The following SOCS7 variants were observed in gnomAD, a reference collection of about 807,000 sequenced individuals.
SOCS7 encodes NAP-4.
SOCS7 carries 18 observed loss-of-function variants against 58.9 expected under a neutral mutation model. The observed-to-expected ratio is 0.31, with a 90% CI of 0.21 to 0.45. The LOEUF (loss-of-function observed/expected upper bound fraction) is 0.45. SOCS7 is among the 20% of genes least tolerant of loss of function. SOCS7 has a pLI of 1.00. For synonymous variants in SOCS7, 388 were observed against 364.3 expected (o/e 1.06, Z -0.74); for missense variants, 667 against 837.3 (o/e 0.80, Z 2.51).
At chr17:38,361,048 A>AGGG (rs1555567491) in intron 1 of SOCS7, among the ~76,000 whole-genome samples, 1 of 152,242 alleles carries the variant, frequency 6.6e-6, no homozygotes, top group Non-Finnish European at 1.5e-5. Flanking sequence ...TGGTTCCCTG[A>AGGG]AACAGCATCA....
intron 8 of SOCS7, 34 bp from the exon 9 acceptor site, chr17:38,395,814 C>T (rs1259379417): frequency 6.2e-7 from 1 of 1,601,330 alleles, no homozygotes; most frequent in Non-Finnish European, 8.5e-7. Context: ...TGTATAAAAA[C>T]CTTTTGTGTA....
intron 7 of SOCS7, 44 bp from the exon 8 acceptor site, chr17:38,395,265 C>T: frequency 1.2e-6 from 2 of 1,604,942 alleles, no homozygotes; most frequent in Non-Finnish European, 1.7e-6. Context: ...GTAGTTAGCT[C>T]CATTGTTTCC....
At position 38,402,087 on chromosome 17, in the gene SOCS7, C is replaced by T. The variant is rs1031734483; in HGVS notation, c.*2605C>T. The T allele has an allele frequency of 1.3e-5, 2 of 152,536 alleles. No individual in the cohort carries two copies. Among genetic ancestry groups the T allele is most frequent in the Middle Eastern group, 3.4e-3 (1 of 296 alleles). 9.4% of individuals were successfully genotyped at this position (152,536 alleles called of 1,614,324 possible). On this transcript the variant is annotated 3_prime_UTR_variant, in exon 10 of 10. Transcript: ENST00000612932. The stretch of plus-strand genomic sequence containing the variant: ...ACTGAGGAGGTGTGACCCAACCTCA[C>T]CACCCACCTTTCTCCTCCTGGGGAG...
Position 38,402,755 on chromosome 17 carries a change from G to C in SOCS7, c.*3273G>C, listed in dbSNP as rs2038338600. ...AAAAAAAATAAATAATTTCTTTCTGGTTGTATTTTCAAGTCACAAATTGGA... is the reference window on the plus strand; with the variant it reads ...AAAAAAAATAAATAATTTCTTTCTGCTTGTATTTTCAAGTCACAAATTGGA... On this transcript the variant is annotated 3_prime_UTR_variant, in exon 10 of 10. Coordinates refer to ENST00000612932, the MANE Select transcript of SOCS7 (RefSeq NM_014598.4). 1 of 152,110 alleles carries C rather than the reference G, an allele frequency of 6.6e-6. No homozygotes were observed. The highest frequency in any genetic ancestry group is 6.6e-5 in the Admixed American group (1 of 15,258). The allele number at this position is 152,110 out of a possible 1,614,324, so 9.4% of individuals were successfully genotyped here.
At chr17:38,361,354 C>T (rs1036300968) in intron 1 of SOCS7, among the ~76,000 whole-genome samples, 1 of 152,192 alleles carries the variant, frequency 6.6e-6, no homozygotes, top group Non-Finnish European at 1.5e-5. Flanking sequence ...GGTTAAGAGC[C>T]CTTTTCTTGG....
intron 7 of SOCS7, among the ~76,000 whole-genome samples, chr17:38,385,156 A>G (rs558842239): frequency 6.6e-6 from 1 of 152,126 alleles, no homozygotes; most frequent in East Asian, 1.9e-4. Context: ...TCAGCCTCCC[A>G]AAGTACTGGG....
At chr17:38,375,307 C>G (rs1354775318) in intron 6 of SOCS7, among the ~76,000 whole-genome samples, 2 of 152,098 alleles carry the variant, frequency 1.3e-5, no homozygotes, top group African/African-American at 4.8e-5. Context: ...TCTTCTACCT[C>G]TGCCACCCCT....
At position 38,366,425 on chromosome 17, in the gene SOCS7, G is replaced by T. The variant is rs1822800371; in HGVS notation, c.1383+8G>T. 3 of 1,614,142 alleles carry T rather than the reference G, an allele frequency of 1.9e-6. No homozygotes were observed. Among genetic ancestry groups the T allele is most frequent in the Non-Finnish European group, 2.5e-6 (3 of 1,179,992 alleles). On this transcript the variant is annotated splice_region_variant and intron_variant, in intron 5 of 9. Transcript: ENST00000612932. The stretch of plus-strand genomic sequence containing the variant: ...CTTCGAGAGTTGGAGAAGGTAGGTG[G>T]TACCTAAGGACTGGCAGGTCACTTC...
intron 1 of SOCS7, among the ~76,000 whole-genome samples, chr17:38,355,891 T>C (rs1555566747): frequency 6.6e-6 from 1 of 152,070 alleles, no homozygotes; most frequent in Non-Finnish European, 1.5e-5. Context: ...TTTTGTTTTG[T>C]TTTTTGTTTT....
intron 6 of SOCS7, among the ~76,000 whole-genome samples, chr17:38,368,748 C>T (rs542576279): frequency 9.2e-5 from 14 of 152,120 alleles, no homozygotes; most frequent in African/African-American, 2.4e-4. Context: ...GTGATCCACC[C>T]GCCTCGGCCT....
rs927308653 is a variant in SOCS7, at chr17:38,399,656, A to G, written c.*174A>G. 1 of 152,668 alleles carries G rather than the reference A, an allele frequency of 6.6e-6. No homozygotes were observed. Among genetic ancestry groups the G allele is most frequent in the African/African-American group, 2.4e-5 (1 of 41,460 alleles). 9.5% of individuals were successfully genotyped at this position (152,668 alleles called of 1,614,324 possible). On this transcript the variant is annotated 3_prime_UTR_variant, in exon 10 of 10. Coordinates refer to ENST00000612932, the MANE Select transcript of SOCS7 (RefSeq NM_014598.4). Reference sequence around the variant, plus strand: ...CAGCCCTGGGGCTTGGAAGAAGCACATGACCGTACTCTGCGTGGGGCTCCA... The same window carrying G: ...CAGCCCTGGGGCTTGGAAGAAGCACGTGACCGTACTCTGCGTGGGGCTCCA...
rs1555571065 is a variant in SOCS7 at position 38,389,865 on chromosome 17, G to GTGTATATA, written c.1682-5443_1682-5442insGTATATAT. Among the ~76,000 whole-genome samples, 5 of 26,872 alleles carry GTGTATATA rather than the reference G, an allele frequency of 1.9e-4. 1 individual carries two copies. The highest frequency in any genetic ancestry group is 3.2e-4 in the African/African-American group (3 of 9,314). 17.6% of individuals were successfully genotyped at this position (26,872 alleles called of 152,430 possible). On this transcript the variant is annotated intron_variant, in intron 7 of 9. Coordinates refer to ENST00000612932, the MANE Select transcript of SOCS7 (RefSeq NM_014598.4). ...ATTTTTTTGTTTGGTGTGTATGTGT[G>GTGTATATA]TACATATATATATATATGTACATAT... is the stretch of plus-strand genomic sequence containing the variant.
rs117759581 is a variant in SOCS7, at chr17:38,365,254, G to A, written c.1151-54G>A. The A allele has an allele frequency of 3.0e-5, 41 of 1,358,056 alleles. No homozygotes were observed. In the East Asian group the frequency reaches 5.2e-4, roughly 17 times the overall value. The allele number at this position is 1,358,056 out of a possible 1,614,324, so 84.1% of individuals were successfully genotyped here. A position where few individuals can be genotyped will look rare whatever the true frequency, so the allele number is the denominator to read the frequency against. ...CTTCTCCCTCTCCTCTGCCTTCAGC[G>A]TGCTCATTCTGTGCTCACATTTCTG... On this transcript the variant is annotated intron_variant, in intron 3 of 9. Coordinates refer to ENST00000612932, the MANE Select transcript of SOCS7 (RefSeq NM_014598.4).
rs1006530544 is a variant in SOCS7, at chr17:38,352,682, G to A, written c.630G>A (p.Gly210=). 56 of 1,549,836 alleles carry A rather than the reference G, an allele frequency of 3.6e-5. No homozygotes were observed. Among genetic ancestry groups the A allele is most frequent in the Non-Finnish European group, 4.7e-5 (54 of 1,146,872 alleles). Residue 210 remains glycine, a synonymous_variant, in exon 1 of 10, where the codon GGG becomes GGA. Transcript: ENST00000612932. The surrounding 1 kb of genome is among the most constrained non-coding windows in gnomAD (Gnocchi z 5.5). ...GCAGCCCGGGTCGCGGAGGAGGAGG[G>A]GGCGGCCGGCTTCTGCTGCAGCCCC... ...ELSSPGRGGG[G]GGRLLLQPPG... is the part of the protein sequence containing the mutation.
rs1463868655 is a variant in SOCS7 at position 38,389,868 on chromosome 17, C to CATATATAT, written c.1682-5434_1682-5427dup. On this transcript the variant is annotated intron_variant, in intron 7 of 9. Coordinates refer to ENST00000612932, the MANE Select transcript of SOCS7 (RefSeq NM_014598.4). Reference sequence around the variant, plus strand: ...TTTTTGTTTGGTGTGTATGTGTGTACATATATATATATATGTACATATATA... The same window carrying CATATATAT: ...TTTTTGTTTGGTGTGTATGTGTGTACATATATATATATATATATATATGTACATATATA... Among the ~76,000 whole-genome samples the CATATATAT allele has an allele frequency of 5.4e-4, 10 of 18,628 alleles. 1 individual carries two copies. The highest frequency in any genetic ancestry group is 1.1e-3 in the African/African-American group (6 of 5,642). 12.2% of individuals were successfully genotyped at this position (18,628 alleles called of 152,430 possible). A position where few individuals can be genotyped will look rare whatever the true frequency, so the allele number is the denominator to read the frequency against.
At chr17:38,389,044 A>G (rs1408556842) in intron 7 of SOCS7, among the ~76,000 whole-genome samples, 1 of 152,262 alleles carries the variant, frequency 6.6e-6, no homozygotes, top group Non-Finnish European at 1.5e-5. Flanking sequence ...ATTTAACCCC[A>G]TGCCAGACTC....
At chr17:38,395,498 G>A in intron 8 of SOCS7, 54 bp downstream of exon 8, 1 of 1,571,786 alleles carries the variant, frequency 6.4e-7, no homozygotes, top group Non-Finnish European at 8.7e-7. Context: ...GTTGTGGGGA[G>A]GTAACAATGT....
chr17:38,389,897 A>ATATATATATATATATG (rs1400191697), intron 7 of SOCS7, among the ~76,000 whole-genome samples: 3 of 77,374 alleles, frequency 3.9e-5, no homozygotes, highest in East Asian at 4.4e-4. Context: ...ATATATATAT[A>ATATATATATATATATG]TACACATATA....
chr17:38,396,683 A>G (rs528201968), intron 9 of SOCS7, among the ~76,000 whole-genome samples: 5 of 152,198 alleles, frequency 3.3e-5, no homozygotes, highest in Non-Finnish European at 7.3e-5. Flanking sequence ...ATGAATTCCA[A>G]TTAGTCTTTT....
Sources: allele counts gnomAD v4.1 joint callset (sites outside exome capture counted in the v4.1 genomes callset), GRCh38; gene constraint gnomAD v4.1.1; non-coding constraint Gnocchi (gnomAD v3.1); transcripts MANE v1.5; gene names NCBI Gene and HGNC (gene_info 2026-07-23, HGNC 2026-07-21).